HK2: variants seen among roughly 807,000 people sequenced by gnomAD.
HK2 encodes hexokinase 2, also known as hexokinase-2.
Under a neutral mutation model 92.9 loss-of-function variants are expected in HK2, and 42 were observed. The observed-to-expected ratio is 0.45, with a 90% CI of 0.35 to 0.58. HK2 has a LOEUF of 0.58. Among genes scored for constraint, HK2 ranks in the 20% least tolerant of loss-of-function variants. HK2 has a pLI of 0.00. For missense variants in HK2, 978 were observed against 1,245.1 expected (o/e 0.79, Z 3.23); for synonymous variants, 422 against 468.0 (o/e 0.90, Z 1.27).
chr2:74,835,159 A>T (rs1688127660), intron 1 of HK2: 1 of 185,462 alleles, frequency 5.4e-6, no homozygotes, highest in African/African-American at 2.4e-5. Flanking sequence ...GGTGGGCTCG[A>T]GGAGAAGCTG....
At chr2:74,848,984 C>G (rs908825652) in intron 1 of HK2, among the ~76,000 whole-genome samples, 3 of 152,246 alleles carry the variant, frequency 2.0e-5, no homozygotes, top group African/African-American at 7.2e-5. Flanking sequence ...CACCTCCAGG[C>G]CTTTCCTTCC....
In HK2 at chr2:74,891,404, T is replaced by A. The variant is rs1284715867; in HGVS notation, c.*463T>A. On this transcript the variant is annotated 3_prime_UTR_variant, in exon 18 of 18. Coordinates refer to ENST00000290573, the MANE Select transcript of HK2 (RefSeq NM_000189.5). ...TCTCCACTGAGGATGTGAGCCTGAT[T>A]ATCCTATAGGCAGACGTGGGGAGGG... The A allele has an allele frequency of 9.1e-6, 2 of 219,830 alleles. No individual in the cohort carries two copies. The highest frequency in any genetic ancestry group is 1.9e-5 in the Non-Finnish European group (2 of 107,698). The allele number at this position is 219,830 out of a possible 1,614,324, so 13.6% of individuals were successfully genotyped here. A position where few individuals can be genotyped will look rare whatever the true frequency, so the allele number is the denominator to read the frequency against.
intron 6 of HK2, 91 bp from the exon 7 acceptor site, chr2:74,874,175 G>A (rs775702831): frequency 6.6e-6 from 10 of 1,521,014 alleles, no homozygotes; most frequent in Admixed American, 1.7e-5. Flanking sequence ...AGCCATCCTG[G>A]CCGGGCAGTC....
chr2:74,867,605 A>C (rs1197404945), intron 2 of HK2, 31 bp from the exon 3 acceptor site: 3 of 1,611,900 alleles, frequency 1.9e-6, no homozygotes, highest in Non-Finnish European at 1.7e-6. Context: ...ATTTTGCCCA[A>C]AATTAATAGT....
At chr2:74,889,587 A>C in intron 17 of HK2, 109 bp downstream of exon 17, 1 of 797,782 alleles carries the variant, frequency 1.3e-6, no homozygotes, top group Non-Finnish European at 2.2e-6. Flanking sequence ...CAGCCATTCC[A>C]AATAGTGTAT....
chr2:74,838,869 T>TATCTTAGTA (rs1688237114), intron 1 of HK2, among the ~76,000 whole-genome samples: 1 of 152,138 alleles, frequency 6.6e-6, no homozygotes, highest in South Asian at 2.1e-4. Flanking sequence ...TAAGTTAGTA[T>TATCTTAGTA]ACAAGATGCA....
Position 74,878,787 on chromosome 2 carries a change from C to T in HK2, c.1131C>T (p.Ile377=), listed in dbSNP as rs752130582. The change falls in exon 9 of 18, where the codon ATC becomes ATT. Residue 377 remains isoleucine, a synonymous_variant. Transcript: ENST00000290573. ...TGGCCACTCACCGGATCTGCCAGAT[C>T]GTGTCCACACGCTCCGCCAGCCTGT... is the stretch of plus-strand genomic sequence containing the variant. ...DCVATHRICQ[I]VSTRSASLCA... 7 of 1,568,932 alleles carry T rather than the reference C, an allele frequency of 4.5e-6. No homozygotes were observed. The highest frequency in any genetic ancestry group is 1.4e-5 in the African/African-American group (1 of 73,844).
In HK2 at chr2:74,834,741, T is replaced by G; in HGVS notation, c.63+98T>G. On this transcript the variant is annotated intron_variant, in intron 1 of 17. Transcript: ENST00000290573. This position sits in a 1 kb window ranked among gnomAD's most constrained non-coding sequence, Gnocchi z 4.2. ...ACCCTGCGGGGACCCGCTTCCTCCC[T>G]ACTCCGGGCCTGGGAGCGGAAAAAG... 2 of 1,363,930 alleles carry G rather than the reference T, an allele frequency of 1.5e-6. No homozygotes were observed. The highest frequency in any genetic ancestry group is 2.1e-6 in the Non-Finnish European group (2 of 955,902). The allele number at this position is 1,363,930 out of a possible 1,614,324, so 84.5% of individuals were successfully genotyped here. A position where few individuals can be genotyped will look rare whatever the true frequency, so the allele number is the denominator to read the frequency against.
At chr2:74,875,969 A>G (rs1277649019) in intron 7 of HK2, among the ~76,000 whole-genome samples, 1 of 152,198 alleles carries the variant, frequency 6.6e-6, no homozygotes, top group Non-Finnish European at 1.5e-5. Flanking sequence ...CCCCTCTAAT[A>G]TATTTCCAAG....
At chr2:74,876,401 C>T (rs896799411) in intron 7 of HK2, among the ~76,000 whole-genome samples, 13 of 152,186 alleles carry the variant, frequency 8.5e-5, no homozygotes, top group Non-Finnish European at 1.5e-5. Flanking sequence ...AAAGAATTAT[C>T]ACCAGGGCTT....
At chr2:74,877,495 T>A (rs913494021) in intron 8 of HK2, among the ~76,000 whole-genome samples, 174 bp downstream of exon 8, 3 of 152,116 alleles carry the variant, frequency 2.0e-5, no homozygotes, top group Non-Finnish European at 4.4e-5. Context: ...CAGTCTCCAC[T>A]CTTGTCGATT....
At chr2:74,884,823 G>A (rs3755450) in intron 12 of HK2, among the ~76,000 whole-genome samples, 80,735 of 152,052 alleles carry the variant, frequency 0.53, 22,427 homozygotes, top group Middle Eastern at 0.74. Flanking sequence ...GTTCAAAGCC[G>A]TCAAGCATCT....
rs1689721189 is a variant in HK2, at chr2:74,893,054, T to A, written c.*2113T>A. On this transcript the variant is annotated 3_prime_UTR_variant, in exon 18 of 18. Transcript: ENST00000290573. ...ACACTTTTTTTTTTTTTTTTAAAGGTAGAGATGTGTGTGTGTGTAGGTATT... is the reference window on the plus strand; with the variant it reads ...ACACTTTTTTTTTTTTTTTTAAAGGAAGAGATGTGTGTGTGTGTAGGTATT... 3 of 145,726 alleles carry A rather than the reference T, an allele frequency of 2.1e-5. No individual in the cohort carries two copies. Among genetic ancestry groups the A allele is most frequent in the Non-Finnish European group, 3.0e-5 (2 of 66,364 alleles). The allele number at this position is 145,726 out of a possible 1,614,324, so 9.0% of individuals were successfully genotyped here. A position where few individuals can be genotyped will look rare whatever the true frequency, so the allele number is the denominator to read the frequency against.
intron 2 of HK2, among the ~76,000 whole-genome samples, chr2:74,859,957 G>GT (rs1688784081): frequency 6.6e-6 from 1 of 152,142 alleles, no homozygotes; most frequent in Admixed American, 6.5e-5. Context: ...AGAAACTGTG[G>GT]TATATATACA....
At chr2:74,873,236 T>C (rs754058576) in intron 4 of HK2, 40 bp from the exon 5 acceptor site, 16 of 1,473,634 alleles carry the variant, frequency 1.1e-5, no homozygotes, top group Non-Finnish European at 1.4e-5. Context: ...AGTTTCAGTT[T>C]TAGTGGGAAA....
intron 2 of HK2, among the ~76,000 whole-genome samples, chr2:74,867,286 C>T (rs2103935356): frequency 6.6e-6 from 1 of 152,110 alleles, no homozygotes; most frequent in South Asian, 2.1e-4. Context: ...GAAAACCAAA[C>T]ATCATATGTT....
intron 11 of HK2, 35 bp downstream of exon 11, chr2:74,881,894 G>T: frequency 6.2e-7 from 1 of 1,610,440 alleles, no homozygotes; most frequent in Non-Finnish European, 8.5e-7. Context: ...GGGGGCCCCT[G>T]GTGGACGTCA....
At chr2:74,857,533 C>G (rs1204940702) in intron 2 of HK2, among the ~76,000 whole-genome samples, 2 of 152,122 alleles carry the variant, frequency 1.3e-5, no homozygotes, top group Admixed American at 1.3e-4. Context: ...CCCAGCTACT[C>G]AGGAGGCCGA....
rs1230127379 is a variant in HK2, at chr2:74,885,481, G to A, written c.1840-13G>A. 6 of 1,599,580 alleles carry A rather than the reference G, an allele frequency of 3.8e-6. No homozygotes were observed. Among genetic ancestry groups the A allele is most frequent in the African/African-American group, 1.3e-5 (1 of 74,716 alleles). On this transcript the variant is annotated splice_polypyrimidine_tract_variant and intron_variant, in intron 12 of 17. Coordinates refer to ENST00000290573, the MANE Select transcript of HK2 (RefSeq NM_000189.5). ...TCCCTGATGTCCTTTCCATGCTTGT[G>A]TGTGATTTTTAGAGCATCCTCCTCA...
Sources: gnomAD v4.1 joint callset for allele counts (sites outside exome capture counted in the v4.1 genomes callset) on GRCh38, gnomAD v4.1.1 for gene constraint, Gnocchi (gnomAD v3.1) non-coding constraint, MANE v1.5 for transcripts, NCBI Gene and HGNC (gene_info 2026-07-23, HGNC 2026-07-21) for gene names.